MAOA: variants seen among roughly 807,000 people sequenced by gnomAD.
The protein encoded by MAOA is monoamine oxidase A, also known as amine oxidase [flavin-containing] A.
A neutral mutation model predicts 42.0 loss-of-function variants in MAOA; 6 were observed. The observed-to-expected ratio is 0.14, with a 90% CI of 0.08 to 0.28. MAOA has a LOEUF of 0.28. Ranked by LOEUF, MAOA falls within the 10% of genes least tolerant of loss-of-function variation. MAOA has a pLI of 1.00. For synonymous variants in MAOA, 140 were observed against 154.0 expected (o/e 0.91, Z 0.67); for missense variants, 262 against 422.3 (o/e 0.62, Z 3.33).
intron 6 of MAOA, among the ~76,000 whole-genome samples, chrX:43,729,114 G>A (rs2033861332): frequency 8.9e-6 from 1 of 112,427 alleles, no homozygotes; most frequent in Non-Finnish European, 1.9e-5. Context: ...TCTCTGCCAA[G>A]TGAATTATTC....
At chrX:43,662,810 AG>A (rs1231519704) in intron 1 of MAOA, among the ~76,000 whole-genome samples, 2 of 110,475 alleles carry the variant, frequency 1.8e-5, no homozygotes, top group African/African-American at 6.6e-5. Flanking sequence ...TCATAATGAT[AG>A]GGTTTTTTTT....
intron 12 of MAOA, among the ~76,000 whole-genome samples, chrX:43,743,308 G>A (rs1040754909): frequency 1.8e-5 from 2 of 111,002 alleles, no homozygotes; most frequent in Non-Finnish European, 3.8e-5. Flanking sequence ...AATGTCTCAG[G>A]TCTCTCCTTT....
intron 1 of MAOA, among the ~76,000 whole-genome samples, chrX:43,664,777 G>T (rs371275763): frequency 9.0e-6 from 1 of 111,431 alleles, no homozygotes; most frequent in Admixed American, 9.6e-5. Flanking sequence ...TCTGCTTTGG[G>T]CATATTGCCT....
chrX:43,740,666 G>C lies in MAOA; in HGVS notation c.1107-15G>C. ...CCTAACTTTATTTTTTTTTTTTTTT[G>C]GCTCTGTTTTATAGGAAGAAGAAAA... is the stretch of plus-strand genomic sequence containing the variant. On this transcript the variant is annotated splice_polypyrimidine_tract_variant and intron_variant, in intron 10 of 14. Transcript: ENST00000338702. 1 of 994,615 alleles carries C rather than the reference G, an allele frequency of 1.0e-6. No individual in the cohort carries two copies. Among genetic ancestry groups the C allele is most frequent in the Non-Finnish European group, 1.3e-6 (1 of 766,268 alleles). The allele number at this position is 994,615 out of a possible 1,213,427, so 82.0% of individuals were successfully genotyped here. A position where few individuals can be genotyped will look rare whatever the true frequency, so the allele number is the denominator to read the frequency against.
At chrX:43,730,487 CTTTTTT>C (rs1232538202) in intron 6 of MAOA, among the ~76,000 whole-genome samples, 1 of 84,790 alleles carries the variant, frequency 1.2e-5, no homozygotes, top group Non-Finnish European at 2.3e-5. Context: ...TATTCCGAAT[CTTTTTT>C]TTTTTTTTTT....
At chrX:43,657,120 GTA>G (rs2033187232) in intron 1 of MAOA, among the ~76,000 whole-genome samples, 3 of 81,613 alleles carry the variant, frequency 3.7e-5, no homozygotes, top group African/African-American at 1.4e-4. Context: ...GTGTGTGTGT[GTA>G]TGAACTGTGT....
At chrX:43,668,830 T>A (rs2033304601) in intron 1 of MAOA, among the ~76,000 whole-genome samples, 1 of 112,237 alleles carries the variant, frequency 8.9e-6, no homozygotes, top group African/African-American at 3.2e-5. Flanking sequence ...AACTTTAGAA[T>A]CAGGCTTTCT....
In MAOA at chrX:43,732,544, G is replaced by C. The variant is rs753167368; in HGVS notation, c.956-155G>C. Reference sequence around the variant, plus strand: ...GTGAATAGACATCCTTATATATTCAGTGTGTGTATTTAACAAGACATGTAG... The same window carrying C: ...GTGAATAGACATCCTTATATATTCACTGTGTGTATTTAACAAGACATGTAG... On this transcript the variant is annotated intron_variant, in intron 8 of 14. Coordinates refer to ENST00000338702, the MANE Select transcript of MAOA (RefSeq NM_000240.4). Among the ~76,000 whole-genome samples the C allele has an allele frequency of 2.7e-4, 19 of 71,484 alleles. No individual in the cohort carries two copies. In the South Asian group the frequency reaches 9.6e-3, roughly 36 times the overall value. The allele number at this position is 71,484 out of a possible 115,157, so 62.1% of individuals were successfully genotyped here. A position where few individuals can be genotyped will look rare whatever the true frequency, so the allele number is the denominator to read the frequency against.
intron 1 of MAOA, among the ~76,000 whole-genome samples, chrX:43,657,124 GAAC>G (rs2033187473): frequency 3.7e-5 from 3 of 81,132 alleles, no homozygotes; most frequent in African/African-American, 1.4e-4. Flanking sequence ...GTGTGTGTAT[GAAC>G]TGTGTTTATA....
chrX:43,657,484 G>A (rs1247093892), intron 1 of MAOA, among the ~76,000 whole-genome samples: 1 of 109,815 alleles, frequency 9.1e-6, no homozygotes, highest in African/African-American at 3.3e-5. Flanking sequence ...CCCTGGTCCT[G>A]GCTTGGATTT....
intron 5 of MAOA, among the ~76,000 whole-genome samples, chrX:43,717,325 C>T (rs1415645629): frequency 9.0e-6 from 1 of 111,142 alleles, no homozygotes; most frequent in Non-Finnish European, 1.9e-5. Context: ...AGAAATGAGT[C>T]ACACTGGTGG....
intron 1 of MAOA, among the ~76,000 whole-genome samples, chrX:43,677,317 C>A (rs768698327): frequency 8.9e-6 from 1 of 111,981 alleles, no homozygotes; most frequent in African/African-American, 3.2e-5. Context: ...GGAAGCATTG[C>A]AGAATTGGTG....
chrX:43,712,795 A>C lies in MAOA; in HGVS notation c.502A>C (p.Lys168Gln). The C allele has an allele frequency of 8.4e-7, 1 of 1,183,685 alleles. No individual in the cohort carries two copies. Among genetic ancestry groups the C allele is most frequent in the Non-Finnish European group, 1.1e-6 (1 of 870,110 alleles). Residue 168 changes from lysine (K) to glutamine (Q), a missense_variant and splice_region_variant, in exon 5 of 15, where the codon AAG becomes CAG. Physicochemically the swap from Lys to Gln is moderately conservative, Grantham distance 53. This residue lies in a region of MAOA where 141 missense variants were observed against 195.6 expected (regional missense o/e 0.72). Coordinates refer to ENST00000338702, the MANE Select transcript of MAOA (RefSeq NM_000240.4). ...GCTCATTGACAAAATCTGCTGGACA[A>C]AGTAAGTAGACTTGACCATTCAAAA... ...KELIDKICWTKTARRFAYLFV... is the reference protein window; with the variant it reads ...KELIDKICWTQTARRFAYLFV...
chrX:43,700,938 A>G (rs2033620166), intron 3 of MAOA, among the ~76,000 whole-genome samples: 1 of 111,960 alleles, frequency 8.9e-6, no homozygotes, highest in African/African-American at 3.2e-5. Context: ...AAGGATAGGC[A>G]AGTAGTTACA....
chrX:43,661,863 G>T (rs1303332410), intron 1 of MAOA, among the ~76,000 whole-genome samples: 8 of 111,400 alleles, frequency 7.2e-5, no homozygotes, highest in African/African-American at 2.6e-4. Flanking sequence ...TTGTCCATCA[G>T]CTGAGCTCTG....
At chrX:43,743,760 A>G (rs1266051599) in intron 12 of MAOA, 34 bp from the exon 13 acceptor site, 2 of 1,160,700 alleles carry the variant, frequency 1.7e-6, no homozygotes, top group African/African-American at 3.6e-5. Context: ...CACCTTCCCA[A>G]GTAACTCTGT....
intron 3 of MAOA, among the ~76,000 whole-genome samples, chrX:43,696,040 G>A (rs1256458022): frequency 3.6e-5 from 4 of 112,112 alleles, no homozygotes; most frequent in African/African-American, 1.3e-4. Context: ...AAATCCAGAT[G>A]TAATTGTTCT....
At chrX:43,732,511 G>A (rs139758724) in intron 8 of MAOA, among the ~76,000 whole-genome samples, 188 bp from the exon 9 acceptor site, 2,423 of 111,183 alleles carry the variant, frequency 0.022, 37 homozygotes, top group Non-Finnish European at 0.036. Context: ...GTCATTTTCT[G>A]TCTGTGGGTG....
chrX:43,707,096 A>T (rs531908216), intron 3 of MAOA, among the ~76,000 whole-genome samples: 20 of 111,740 alleles, frequency 1.8e-4, no homozygotes, highest in African/African-American at 6.5e-4. Flanking sequence ...GACTGTGCCA[A>T]TATAATAACA....
Sources: allele counts gnomAD v4.1 joint callset (sites outside exome capture counted in the v4.1 genomes callset), GRCh38; gene constraint gnomAD v4.1.1; regional missense constraint gnomAD v4.1.1; transcripts MANE v1.5; gene names NCBI Gene and HGNC (gene_info 2026-07-23, HGNC 2026-07-21).